LDLRAD3: variants seen among roughly 807,000 people sequenced by gnomAD.
LDLRAD3 encodes low density lipoprotein receptor class A domain containing 3, also known as low-density lipoprotein receptor class A domain-containing protein 3.
Under a neutral mutation model 29.4 loss-of-function variants are expected in LDLRAD3, and 20 were observed. The ratio of observed to expected loss-of-function variants is 0.68; its 90% CI spans 0.48 to 0.99. LDLRAD3 has a LOEUF of 0.99. Among genes scored for constraint, LDLRAD3 ranks in the 50% least tolerant of loss-of-function variants. The pLI is 0.00. For missense variants in LDLRAD3, 420 were observed against 454.3 expected (o/e 0.92, Z 0.69); for synonymous variants, 157 against 192.7 (o/e 0.81, Z 1.53).
intron 3 of LDLRAD3, among the ~76,000 whole-genome samples, 177 bp downstream of exon 3, chr11:36,081,955 A>G (rs1017113880): frequency 2.0e-5 from 3 of 152,206 alleles, no homozygotes; most frequent in African/African-American, 4.8e-5. Context: ...TTCAGCCACC[A>G]TTTATCAGGG....
At chr11:36,206,928 A>G (rs1855218830) in intron 4 of LDLRAD3, among the ~76,000 whole-genome samples, 1 of 151,872 alleles carries the variant, frequency 6.6e-6, no homozygotes, top group Admixed American at 6.6e-5. Context: ...GGTTTTCACC[A>G]TGTTGGCCAG....
intron 4 of LDLRAD3, among the ~76,000 whole-genome samples, chr11:36,137,766 T>C (rs1854023661): frequency 6.6e-6 from 1 of 152,166 alleles, no homozygotes; most frequent in Non-Finnish European, 1.5e-5. Flanking sequence ...CACCACATAA[T>C]CCTAAACCAC....
chr11:36,086,900 T>C (rs936417639), intron 3 of LDLRAD3, among the ~76,000 whole-genome samples: 1 of 152,188 alleles, frequency 6.6e-6, no homozygotes, highest in African/African-American at 2.4e-5. Flanking sequence ...ATAAGCCAGT[T>C]TCAGCAGCAC....
At chr11:35,955,583 T>A (rs954839722) in intron 1 of LDLRAD3, among the ~76,000 whole-genome samples, 1 of 152,212 alleles carries the variant, frequency 6.6e-6, no homozygotes, top group African/African-American at 2.4e-5. Flanking sequence ...TATGGTATCA[T>A]ATAAGTAATT....
chr11:36,184,043 G>T (rs61879011), intron 4 of LDLRAD3: 1 of 280,260 alleles, frequency 3.6e-6, no homozygotes, highest in Middle Eastern at 1.4e-3. Flanking sequence ...TCGGCTCACC[G>T]CAACCTCCAC....
chr11:36,030,903 A>G (rs1407436773), intron 1 of LDLRAD3, among the ~76,000 whole-genome samples: 1 of 152,232 alleles, frequency 6.6e-6, no homozygotes, highest in Non-Finnish European at 1.5e-5. Flanking sequence ...GGAAAAGTCA[A>G]CATCACTAAC....
At chr11:35,981,842 G>T (rs902453518) in intron 1 of LDLRAD3, among the ~76,000 whole-genome samples, 2 of 152,222 alleles carry the variant, frequency 1.3e-5, no homozygotes, top group African/African-American at 4.8e-5. Context: ...TTGGGTGCTT[G>T]AGGCATGCTT....
chr11:36,125,516 T>C (rs1853823437), intron 4 of LDLRAD3, among the ~76,000 whole-genome samples: 1 of 152,224 alleles, frequency 6.6e-6, no homozygotes, highest in Non-Finnish European at 1.5e-5. Context: ...ACATAGTAGA[T>C]AGTCAATGTT....
chr11:36,211,375 G>C (rs1045845256), intron 4 of LDLRAD3, among the ~76,000 whole-genome samples: 1 of 152,234 alleles, frequency 6.6e-6, no homozygotes, highest in Non-Finnish European at 1.5e-5. Flanking sequence ...TTCCAGTACA[G>C]TGAGCAATGC....
intron 1 of LDLRAD3, among the ~76,000 whole-genome samples, chr11:36,003,500 T>TGAC (rs926667776): frequency 1.3e-4 from 20 of 152,206 alleles, no homozygotes; most frequent in African/African-American, 4.8e-4. Flanking sequence ...ATGAGCCCTG[T>TGAC]GACATCCTGT....
rs368503015 is a variant in LDLRAD3 at position 36,085,782 on chromosome 11, T to C, written c.319+4004T>C. 6.6e-5 allele frequency among the ~76,000 whole-genome samples: 10 copies of C among 152,072 alleles called. 1 individual carries two copies. The highest frequency in any genetic ancestry group is 2.4e-4 in the African/African-American group (10 of 41,498). On this transcript the variant is annotated intron_variant, in intron 3 of 5. Coordinates refer to ENST00000315571, the MANE Select transcript of LDLRAD3 (RefSeq NM_174902.4). ...ATGCACCACCATGCCTGGCTAATTT[T>C]TTTTTTATTGTATTTTTTGTAGAGG...
intron 1 of LDLRAD3, among the ~76,000 whole-genome samples, chr11:36,025,748 C>T (rs573108928): frequency 2.3e-4 from 34 of 149,434 alleles, no homozygotes; most frequent in African/African-American, 8.4e-4. Flanking sequence ...TCCCAGTTGC[C>T]AGAGGTACCC....
intron 1 of LDLRAD3, among the ~76,000 whole-genome samples, chr11:35,963,446 T>TA (rs1851302935): frequency 6.6e-6 from 1 of 151,568 alleles, no homozygotes; most frequent in Admixed American, 6.6e-5. Context: ...TTTTTTTTTT[T>TA]AACACGTTGT....
intron 2 of LDLRAD3, among the ~76,000 whole-genome samples, chr11:36,045,875 C>T (rs1852442983): frequency 6.6e-6 from 1 of 152,002 alleles, no homozygotes; most frequent in Admixed American, 6.6e-5. Context: ...TATACATGTG[C>T]CATGGTGGTT....
rs115389343 is a variant in LDLRAD3, at chr11:36,167,232, G to A, written c.455-59853G>A. Among the ~76,000 whole-genome samples, 415 of 152,140 alleles carry A rather than the reference G, an allele frequency of 2.7e-3. 2 individuals are homozygous for A. Among genetic ancestry groups the A allele is most frequent in the African/African-American group, 9.4e-3 (392 of 41,496 alleles). On this transcript the variant is annotated intron_variant, in intron 4 of 5. Coordinates refer to ENST00000315571, the MANE Select transcript of LDLRAD3 (RefSeq NM_174902.4). The stretch of plus-strand genomic sequence containing the variant: ...TGGAAGCAGAATTCCTTCTTTTCCC[G>A]GGAACCTCAGTCTTTTCTCTGAAAG...
chr11:36,129,614 G>T (rs185907211), intron 4 of LDLRAD3, among the ~76,000 whole-genome samples: 28 of 152,250 alleles, frequency 1.8e-4, no homozygotes, highest in African/African-American at 6.7e-4. Context: ...AGGTTGTTGC[G>T]TGGATTCCCT....
chr11:35,948,200 A>C (rs1173740387), intron 1 of LDLRAD3, among the ~76,000 whole-genome samples: 1 of 152,216 alleles, frequency 6.6e-6, no homozygotes, highest in African/African-American at 2.4e-5. Context: ...TTAGAATTAA[A>C]AAAATAAGGT....
chr11:35,991,716 A>G (rs1332655561), intron 1 of LDLRAD3, among the ~76,000 whole-genome samples: 1 of 152,244 alleles, frequency 6.6e-6, no homozygotes. Context: ...TTCTTTGGTT[A>G]CATGGCTGTT....
At chr11:36,081,921 ACTT>A (rs1169425207) in intron 3 of LDLRAD3, 143 bp downstream of exon 3, 19 of 992,012 alleles carry the variant, frequency 1.9e-5, no homozygotes, top group African/African-American at 6.5e-5. Context: ...GTTCTTCCCT[ACTT>A]CTTGTGTAAA....
Sources: gnomAD v4.1 joint callset for allele counts (sites outside exome capture counted in the v4.1 genomes callset) on GRCh38, gnomAD v4.1.1 for gene constraint, MANE v1.5 for transcripts, NCBI Gene and HGNC (gene_info 2026-07-23, HGNC 2026-07-21) for gene names.